Variants in CAPN5 observed in about 807,000 individuals in gnomAD.
CAPN5 encodes the protein calpain 5.
A neutral mutation model predicts 73.0 loss-of-function variants in CAPN5; 54 were observed. The ratio of observed to expected loss-of-function variants is 0.74; its 90% CI spans 0.59 to 0.93. CAPN5 has a LOEUF of 0.93. Ranked by LOEUF, CAPN5 falls within the 40% of genes least tolerant of loss-of-function variation. The pLI is 0.00. For synonymous variants in CAPN5, 335 were observed against 356.9 expected (o/e 0.94, Z 0.69); for missense variants, 785 against 882.9 (o/e 0.89, Z 1.41).
chr11:77,106,938 G>A (rs117165014), intron 3 of CAPN5, among the ~76,000 whole-genome samples: 2,016 of 152,316 alleles, frequency 0.013, 25 homozygotes, highest in Non-Finnish European at 0.02. Context: ...ACCTCAGAGC[G>A]GCCCAGCAGA....
intron 2 of CAPN5, among the ~76,000 whole-genome samples, chr11:77,087,641 C>T (rs1950102568): frequency 6.6e-6 from 1 of 152,156 alleles, no homozygotes; most frequent in Admixed American, 6.5e-5. Context: ...GCCTCAGTTT[C>T]CTCATCTGTA....
chr11:77,096,520 C>T (rs567774774), intron 3 of CAPN5, among the ~76,000 whole-genome samples: 2 of 152,330 alleles, frequency 1.3e-5, no homozygotes, highest in South Asian at 4.1e-4. Context: ...ATCTCTTGGC[C>T]TCCTGCCCTG....
At chr11:77,076,640 A>T (rs782449712) in intron 1 of CAPN5, among the ~76,000 whole-genome samples, 5 of 152,140 alleles carry the variant, frequency 3.3e-5, no homozygotes, top group African/African-American at 7.2e-5. Flanking sequence ...TGTCTGGCTT[A>T]TTTCACTTAG....
At chr11:77,107,261 T>G (rs1010836635) in intron 3 of CAPN5, among the ~76,000 whole-genome samples, 11 of 152,268 alleles carry the variant, frequency 7.2e-5, no homozygotes, top group African/African-American at 1.4e-4. Context: ...CCCACTAGTT[T>G]TGAGGACTCA....
Position 77,115,574 on chromosome 11 carries a change from G to T in CAPN5, c.879G>T (p.Gly293=), listed in dbSNP as rs148213292. 2.5e-6 allele frequency: 4 copies of T among 1,609,104 alleles called. No homozygotes were observed. In the African/African-American group the frequency reaches 4.0e-5, roughly 16 times the overall value. The change falls in exon 6 of 13, where the codon GGG becomes GGT. Residue 293 remains glycine, a synonymous_variant. Coordinates refer to ENST00000648180, the MANE Select transcript of CAPN5 (RefSeq NM_004055.5). ...CCTGGGGCGAGCGGGAGTGGAACGG[G>T]CCCTGGAGTGACACGTGAGGCCTGG... ...RNPWGEREWN[G]PWSDTSEEWQ... is the part of the protein sequence containing the mutation.
intron 5 of CAPN5, among the ~76,000 whole-genome samples, chr11:77,114,880 ACC>A (rs68119261): frequency 0.16 from 24,656 of 152,016 alleles, 2,050 homozygotes; most frequent in Middle Eastern, 0.26. Flanking sequence ...ATTTCCAACT[ACC>A]CACATTTAAC....
intron 7 of CAPN5, among the ~76,000 whole-genome samples, chr11:77,117,938 T>A (rs1007684581): frequency 6.6e-6 from 1 of 152,214 alleles, no homozygotes; most frequent in Admixed American, 6.5e-5. Flanking sequence ...TGCTGTTAGA[T>A]TCAGCCTCAT....
rs550383276 is a variant in CAPN5 at position 77,118,232 on chromosome 11, C to T, written c.1047C>T (p.Ser349=). ...KCRVINTSHL[S]IHKTWEEARL... is the part of the protein sequence containing the mutation. ...GCGTGATCAACACATCCCACCTGAG[C>T]ATCCACAAGACGTGGGAGGAGGCCC... The change falls in exon 8 of 13, where the codon AGC becomes AGT. Residue 349 remains serine, a synonymous_variant. Coordinates refer to ENST00000648180, the MANE Select transcript of CAPN5 (RefSeq NM_004055.5). 9 of 1,614,140 alleles carry T rather than the reference C, an allele frequency of 5.6e-6. No individual in the cohort carries two copies. In the East Asian group the frequency reaches 1.8e-4, roughly 32 times the overall value.
intron 12 of CAPN5, 47 bp downstream of exon 12, chr11:77,122,759 G>A: frequency 6.2e-7 from 1 of 1,607,204 alleles, no homozygotes; most frequent in Non-Finnish European, 8.5e-7. Flanking sequence ...CTAGCCTGAG[G>A]CTTCCCCACT....
chr11:77,122,273 G>A (rs1950527219), intron 11 of CAPN5, among the ~76,000 whole-genome samples: 1 of 152,212 alleles, frequency 6.6e-6, no homozygotes, highest in South Asian at 2.1e-4. Flanking sequence ...AAGGCTTCCT[G>A]GAGGGAGTGG....
Position 77,122,653 on chromosome 11 carries a change from G to A in CAPN5, c.1681G>A (p.Glu561Lys), listed in dbSNP as rs782296700. The change falls in exon 12 of 13, where the codon GAG (glutamate) becomes AAG (lysine). Residue 561 changes from glutamate (E) to lysine (K), a missense_variant. By Grantham distance (56) the Glu-to-Lys change is moderately conservative. Transcript: ENST00000648180. ...TGTGCAGAAGGGCACCTCCACACCAGAGTACAATGTGAAAGGCATCTTCTA... is the reference window on the plus strand; with the variant it reads ...TGTGCAGAAGGGCACCTCCACACCAAAGTACAATGTGAAAGGCATCTTCTA... ...SAVQKGTSTP[E>K]YNVKGIFYRK... 10 of 1,611,566 alleles carry A rather than the reference G, an allele frequency of 6.2e-6. No individual in the cohort carries two copies. The highest frequency in any genetic ancestry group is 5.5e-5 in the South Asian group (5 of 91,038).
At chr11:77,109,812 C>G (rs1555040483) in intron 3 of CAPN5, among the ~76,000 whole-genome samples, 1 of 152,104 alleles carries the variant, frequency 6.6e-6, no homozygotes, top group African/African-American at 2.4e-5. Context: ...GTCTCCAGGC[C>G]CTGGAGCCTC....
intron 4 of CAPN5, 44 bp from the exon 5 acceptor site, chr11:77,114,198 G>A: frequency 1.3e-5 from 20 of 1,583,064 alleles, no homozygotes; most frequent in Non-Finnish European, 1.6e-5. Context: ...ATGCAGCCTG[G>A]CTGGGGAGCA....
At chr11:77,122,412 G>A (rs560429100) in intron 11 of CAPN5, among the ~76,000 whole-genome samples, 164 bp from the exon 12 acceptor site, 4 of 152,146 alleles carry the variant, frequency 2.6e-5, no homozygotes, top group South Asian at 2.1e-4. Context: ...GTGTGCCCCT[G>A]CTGGCCGGCC....
chr11:77,075,812 C>T lies in CAPN5; in HGVS notation c.-36+8718C>T, dbSNP rs116719796. ...CACCCAGGTCAAGAAGTAGTTTTAC[C>T]GGAACCCCACAAGCTCTCTCACACC... On this transcript the variant is annotated intron_variant, in intron 1 of 12. Coordinates refer to ENST00000648180, the MANE Select transcript of CAPN5 (RefSeq NM_004055.5). Among the ~76,000 whole-genome samples, 1,133 of 152,042 alleles carry T rather than the reference C, an allele frequency of 7.5e-3. 11 individuals carry two copies. The highest frequency in any genetic ancestry group is 0.023 in the African/African-American group (957 of 41,446).
chr11:77,094,362 C>T (rs1950186672), intron 3 of CAPN5, among the ~76,000 whole-genome samples: 1 of 151,050 alleles, frequency 6.6e-6, no homozygotes, highest in African/African-American at 2.4e-5. Flanking sequence ...ACCCAACCTC[C>T]TATCCCAGCA....
Position 77,085,107 on chromosome 11 carries a change from G to T in CAPN5, c.165+56G>T, listed in dbSNP as rs532611936. On this transcript the variant is annotated intron_variant, in intron 2 of 12. Transcript: ENST00000648180. ...GAGCGGGCCCAGGCCCACCCACAAG[G>T]CTGGGCCTGCAGGGACATCGGGGTG... 8 of 1,516,938 alleles carry T rather than the reference G, an allele frequency of 5.3e-6. No individual in the cohort carries two copies. In the African/African-American group the frequency reaches 1.1e-4, roughly 21 times the overall value. 94.0% of individuals were successfully genotyped at this position (1,516,938 alleles called of 1,614,324 possible).
chr11:77,119,140 T>A lies in CAPN5; in HGVS notation c.1278T>A (p.Phe426Leu). The A allele has an allele frequency of 6.2e-7, 1 of 1,612,142 alleles. No homozygotes were observed. The highest frequency in any genetic ancestry group is 1.1e-5 in the South Asian group (1 of 90,488). The change falls in exon 9 of 13, where the codon TTT becomes TTA. Residue 426 changes from phenylalanine to leucine, a missense_variant. Coordinates refer to ENST00000648180, the MANE Select transcript of CAPN5 (RefSeq NM_004055.5). ...AGGGTGAGAACCTGGCCATTGGCTT[T>A]GACATCTACAAGGTGAGGCCAGCCG... ...EGKGENLAIG[F>L]DIYKVEENRQ...
chr11:77,114,000 CT>C (rs1191478199), intron 4 of CAPN5, among the ~76,000 whole-genome samples: 181 of 144,242 alleles, frequency 1.3e-3, no homozygotes, highest in Admixed American at 1.0e-3. Context: ...AAAAGAGTTG[CT>C]TTTTTTTTTT....
Sources: gnomAD v4.1 joint callset for allele counts (sites outside exome capture counted in the v4.1 genomes callset) on GRCh38, gnomAD v4.1.1 for gene constraint, MANE v1.5 for transcripts, NCBI Gene and HGNC (gene_info 2026-07-23, HGNC 2026-07-21) for gene names.